The following ZNF469 variants were observed in gnomAD, a reference collection of about 807,000 sequenced individuals.
ZNF469 encodes zinc finger protein 469.
Under a neutral mutation model 1.0 loss-of-function variants are expected in ZNF469, and 1 was observed. The ratio of observed to expected loss-of-function variants is 1.00; its 90% CI spans 0.35 to 4.73. The LOEUF (loss-of-function observed/expected upper bound fraction) is 4.73. Ranked by LOEUF, ZNF469 falls within the 30% of genes most tolerant of loss-of-function variation. The probability of loss-of-function intolerance (pLI) is 0.16; values close to 1 mark genes in which losing one functional copy is unlikely to be tolerated. For missense variants in ZNF469, 6,100 were observed against 5,356.3 expected (o/e 1.14, Z -4.33); for synonymous variants, 2,703 against 2,363.4 (o/e 1.14, Z -4.17).
At chr16:88,240,194 G>A in the ZNF469 span, among the ~76,000 whole-genome samples, 5 of 152,124 alleles carry the variant, frequency 3.3e-5, no homozygotes, top group South Asian at 2.1e-4. Flanking sequence ...AGGTGCTCCC[G>A]GTCATTTCTG....
At chr16:88,122,062 C>A in the ZNF469 span, among the ~76,000 whole-genome samples, 542 of 148,932 alleles carry the variant, frequency 3.6e-3, 3 homozygotes, top group African/African-American at 0.013. Flanking sequence ...CCACTCTGAT[C>A]GCACCCTGTC....
At chr16:88,265,696 G>T in the ZNF469 span, among the ~76,000 whole-genome samples, 1 of 152,234 alleles carries the variant, frequency 6.6e-6, no homozygotes, top group African/African-American at 2.4e-5. Context: ...CCCGTCCTGG[G>T]TCACAGGGTG....
chr16:88,218,569 G>A, the ZNF469 span, among the ~76,000 whole-genome samples: 9 of 152,068 alleles, frequency 5.9e-5, no homozygotes, highest in Admixed American at 2.0e-4. Flanking sequence ...ATTCAACAAC[G>A]CTTCATGCTA....
the ZNF469 span, among the ~76,000 whole-genome samples, chr16:88,256,460 G>A: frequency 6.6e-6 from 1 of 152,208 alleles, no homozygotes; most frequent in African/African-American, 2.4e-5. Context: ...CTTATGGAGG[G>A]CTATCTTGGG....
the ZNF469 span, among the ~76,000 whole-genome samples, chr16:88,353,182 C>A: frequency 1.1e-4 from 16 of 152,152 alleles, no homozygotes; most frequent in Non-Finnish European, 8.8e-5. Context: ...CCTCCGAGGC[C>A]GTAAGTCTCA....
At chr16:88,170,633 G>A in the ZNF469 span, among the ~76,000 whole-genome samples, 1 of 152,280 alleles carries the variant, frequency 6.6e-6, no homozygotes, top group South Asian at 2.1e-4. This position sits in a 1 kb window ranked among gnomAD's most constrained non-coding sequence, Gnocchi z 4.2. Context: ...TTTAAAGGCT[G>A]TAGCATGCTC....
chr16:88,436,169 A>T lies in ZNF469; in HGVS notation c.8699A>T (p.Asp2900Val). The T allele has an allele frequency of 6.5e-7, 1 of 1,547,360 alleles. No homozygotes were observed. Residue 2900 changes from aspartate (D) to valine (V), a missense_variant, in exon 3 of 3, where the codon GAC (aspartate) becomes GTC (valine). By Grantham distance (152) the Asp-to-Val change is radical. Coordinates refer to ENST00000565624, the MANE Select transcript of ZNF469 (RefSeq NM_001367624.2). ...CAGCCCAGCTTTGAGGAGGGCGGTG[A>T]CCCCACGCTGGGCCCAGCCCGCCTG... is the stretch of plus-strand genomic sequence containing the variant. Reference protein sequence around the residue: ...PTQPSFEEGGDPTLGPARLPT... With the variant: ...PTQPSFEEGGVPTLGPARLPT...
chr16:88,422,099 G>A (rs571125336), intron 1 of ZNF469, among the ~76,000 whole-genome samples: 204 of 151,534 alleles, frequency 1.3e-3, no homozygotes, highest in Non-Finnish European at 1.8e-3. Flanking sequence ...GTGGATGGAT[G>A]GATGGATGGA....
chr16:88,115,028 C>T, the ZNF469 span, among the ~76,000 whole-genome samples: 2 of 152,198 alleles, frequency 1.3e-5, no homozygotes, highest in South Asian at 4.1e-4. Flanking sequence ...AAAACAACCA[C>T]CAACCCTCCA....
chr16:88,253,860 T>TA, the ZNF469 span, among the ~76,000 whole-genome samples: 1 of 152,066 alleles, frequency 6.6e-6, no homozygotes, highest in Non-Finnish European at 1.5e-5. Flanking sequence ...TTTTAACAGG[T>TA]GGTTTGTCTT....
At chr16:88,158,179 G>C in the ZNF469 span, among the ~76,000 whole-genome samples, 17 of 152,092 alleles carry the variant, frequency 1.1e-4, no homozygotes, top group Non-Finnish European at 1.8e-4. Flanking sequence ...GGGTGCTGCT[G>C]CTGGGGCCCC....
chr16:88,147,297 G>A, the ZNF469 span, among the ~76,000 whole-genome samples: 2,865 of 152,174 alleles, frequency 0.019, 109 homozygotes, highest in African/African-American at 0.065. Context: ...CAGCCTGCCC[G>A]TGCCCTCACC....
At chr16:88,406,829 G>A (rs1393226938) in intron 1 of ZNF469, among the ~76,000 whole-genome samples, 2 of 152,158 alleles carry the variant, frequency 1.3e-5, no homozygotes, top group Non-Finnish European at 2.9e-5. Flanking sequence ...CTTGGTTGGG[G>A]ATGACACAGG....
chr16:88,344,756 G>A, the ZNF469 span, among the ~76,000 whole-genome samples: 1 of 152,240 alleles, frequency 6.6e-6, no homozygotes, highest in Non-Finnish European at 1.5e-5. Flanking sequence ...AAAGTGCCTG[G>A]GTTCCTGGGA....
At chr16:88,290,498 C>T in the ZNF469 span, among the ~76,000 whole-genome samples, 6 of 152,292 alleles carry the variant, frequency 3.9e-5, no homozygotes, top group South Asian at 2.1e-4. Flanking sequence ...TCACACAATT[C>T]GAGATGTTAG....
the ZNF469 span, among the ~76,000 whole-genome samples, chr16:88,147,333 C>T: frequency 1.3e-4 from 20 of 152,178 alleles, 1 homozygote; most frequent in African/African-American, 4.8e-4. Context: ...TGGAGTCCCA[C>T]GTCGACCTCT....
chr16:88,243,162 T>C, the ZNF469 span, among the ~76,000 whole-genome samples: 1 of 152,242 alleles, frequency 6.6e-6, no homozygotes, highest in Non-Finnish European at 1.5e-5. Context: ...TGTCCTTGGC[T>C]GGTGGCCAGC....
At chr16:88,103,339 G>A in the ZNF469 span, among the ~76,000 whole-genome samples, 2 of 152,258 alleles carry the variant, frequency 1.3e-5, no homozygotes, top group South Asian at 2.1e-4. Flanking sequence ...GGCACTGGAC[G>A]CTTTGCTCTC....
chr16:88,197,826 C>A, the ZNF469 span, among the ~76,000 whole-genome samples: 61,313 of 152,126 alleles, frequency 0.4, 13,940 homozygotes, highest in South Asian at 0.54. Context: ...GCGGGCTTCT[C>A]CATGGGCTGC....
Sources: allele counts gnomAD v4.1 joint callset (sites outside exome capture counted in the v4.1 genomes callset), GRCh38; gene constraint gnomAD v4.1.1; non-coding constraint Gnocchi (gnomAD v3.1); transcripts MANE v1.5; gene names NCBI Gene and HGNC (gene_info 2026-07-23, HGNC 2026-07-21).